IL18RAP: variants seen among roughly 807,000 people sequenced by gnomAD.
IL18RAP encodes the protein interleukin 18 receptor accessory protein, also known as interleukin-18 receptor accessory protein.
IL18RAP carries 37 observed loss-of-function variants against 58.1 expected under a neutral mutation model. The ratio of observed to expected loss-of-function variants is 0.64; its 90% CI spans 0.49 to 0.84. IL18RAP has a LOEUF of 0.84. Among genes scored for constraint, IL18RAP ranks in the 40% least tolerant of loss-of-function variants. The probability of loss-of-function intolerance (pLI) is 0.00; values close to 1 mark genes in which losing one functional copy is unlikely to be tolerated. For synonymous variants in IL18RAP, 268 were observed against 257.5 expected (o/e 1.04, Z -0.39); for missense variants, 667 against 704.8 (o/e 0.95, Z 0.61).
At chr2:102,422,981 G>C (rs1203551021), upstream of IL18RAP, among the ~76,000 whole-genome samples, 1 of 152,156 alleles carries the variant, frequency 6.6e-6, no homozygotes, top group African/African-American at 2.4e-5. Flanking sequence ...ATAGAGCCTA[G>C]GGATATTGGG....
chr2:102,430,872 T>C (rs1229855959), intron 3 of IL18RAP, among the ~76,000 whole-genome samples: 6 of 152,104 alleles, frequency 3.9e-5, no homozygotes, highest in Non-Finnish European at 7.4e-5. Flanking sequence ...TTTACATTTG[T>C]TGTAGTTTCT....
At chr2:102,443,372 C>T in intron 6 of IL18RAP, 49 bp downstream of exon 6, 4 of 1,589,320 alleles carry the variant, frequency 2.5e-6, no homozygotes, top group South Asian at 1.1e-5. Context: ...AGAAGAGATA[C>T]TTCTACCTTT....
At chr2:102,442,978 A>G (rs972362242) in intron 5 of IL18RAP, among the ~76,000 whole-genome samples, 1 of 152,202 alleles carries the variant, frequency 6.6e-6, no homozygotes, top group Non-Finnish European at 1.5e-5. Context: ...ACATATAGTC[A>G]TATGGTTGAG....
In IL18RAP at chr2:102,424,389, A is replaced by C; in HGVS notation, c.554A>C (p.Gln185Pro). ...CPSLSCQSDA[Q>P]SPAVTWYKNG... is the part of the protein sequence containing the mutation. Reference sequence around the variant, plus strand: ...AGTCTCAGCTGCCAAAGTGATGCACAAAGTCCAGCGGTAACCTGGTACAAG... The same window carrying C: ...AGTCTCAGCTGCCAAAGTGATGCACCAAGTCCAGCGGTAACCTGGTACAAG... The change falls in exon 3 of 10, where the codon CAA becomes CCA. Residue 185 changes from glutamine (Q) to proline (P), a missense_variant. Transcript: ENST00000687160. The C allele has an allele frequency of 6.2e-7, 1 of 1,614,014 alleles. No homozygotes were observed. The highest frequency in any genetic ancestry group is 1.1e-5 in the South Asian group (1 of 91,076).
chr2:102,419,377 A>C (rs1681433047), upstream of IL18RAP: 1 of 152,234 alleles, frequency 6.6e-6, no homozygotes, highest in African/African-American at 2.4e-5. Flanking sequence ...CTATTACACG[A>C]GACCAAATCT....
At chr2:102,446,970 G>A in intron 7 of IL18RAP, 100 bp from the exon 8 acceptor site, 2 of 1,242,498 alleles carry the variant, frequency 1.6e-6, no homozygotes, top group Non-Finnish European at 2.2e-6. Flanking sequence ...AAATAATAGA[G>A]CTGGAAAAGG....
At chr2:102,429,984 C>T (rs373097090) in intron 3 of IL18RAP, among the ~76,000 whole-genome samples, 17 of 152,054 alleles carry the variant, frequency 1.1e-4, no homozygotes, top group African/African-American at 3.6e-4. Context: ...TGTAGCTGAA[C>T]GTATCCTTCC....
rs561985627 is a variant in IL18RAP, at chr2:102,452,007, A to G, written c.1626A>G (p.Leu542=). The change falls in exon 10 of 10, where the codon TTA becomes TTG. Residue 542 remains leucine (L), a synonymous_variant. Coordinates refer to ENST00000687160, the MANE Select transcript of IL18RAP (RefSeq NM_001393487.1). ...TGCCCACAGTTACTTGGAGAGGCTTAAAATCAGTTCCTCCCAATTCTAGGT... is the reference window on the plus strand; with the variant it reads ...TGCCCACAGTTACTTGGAGAGGCTTGAAATCAGTTCCTCCCAATTCTAGGT... ...RVLPTVTWRG[L]KSVPPNSRFW... 1 of 1,614,166 alleles carries G rather than the reference A, an allele frequency of 6.2e-7. No homozygotes were observed. Among genetic ancestry groups the G allele is most frequent in the East Asian group, 2.2e-5 (1 of 44,878 alleles).
chr2:102,425,657 C>G (rs1450022544), intron 3 of IL18RAP, among the ~76,000 whole-genome samples: 1 of 151,814 alleles, frequency 6.6e-6, no homozygotes, highest in Non-Finnish European at 1.5e-5. Flanking sequence ...ATCCGTCATC[C>G]AGGATGGCAG....
At chr2:102,447,858 G>A (rs1317000136) in intron 8 of IL18RAP, among the ~76,000 whole-genome samples, 2 of 152,040 alleles carry the variant, frequency 1.3e-5, no homozygotes, top group African/African-American at 4.8e-5. Flanking sequence ...AGCCTCCTGA[G>A]TAGCTGGGAT....
Position 102,451,013 on chromosome 2 carries a change from C to T in IL18RAP, c.1376C>T (p.Pro459Leu), listed in dbSNP as rs1683729444. ...TGTTTGCTTGAAAGAGATGTGGCTC[C>T]AGGAGGAGGTAAGTCCAACATGTCA... ...SLCLLERDVAPGGVYAEDIVS... is the reference protein window; with the variant it reads ...SLCLLERDVALGGVYAEDIVS... The change falls in exon 9 of 10, where the codon CCA (proline) becomes CTA (leucine). Residue 459 changes from proline (P) to leucine (L), a missense_variant. Coordinates refer to ENST00000687160, the MANE Select transcript of IL18RAP (RefSeq NM_001393487.1). The T allele has an allele frequency of 6.3e-7, 1 of 1,593,652 alleles. No individual in the cohort carries two copies. Among genetic ancestry groups the T allele is most frequent in the South Asian group, 1.2e-5 (1 of 85,634 alleles).
rs946815699 is a variant in IL18RAP at position 102,425,371 on chromosome 2, A to G, written c.579+957A>G. Among the ~76,000 whole-genome samples, 69 of 152,270 alleles carry G rather than the reference A, an allele frequency of 4.5e-4. 1 individual carries two copies. The highest frequency in any genetic ancestry group is 1.6e-3 in the African/African-American group (68 of 41,550). On this transcript the variant is annotated intron_variant, in intron 3 of 9. Transcript: ENST00000687160. ...TACAGTTACCATGGTAAGAGGAAAC[A>G]TTTCCCTACTTGATTCCTGAGACTC...
At chr2:102,442,468 G>A (rs1342296942) in intron 5 of IL18RAP, among the ~76,000 whole-genome samples, 1 of 152,082 alleles carries the variant, frequency 6.6e-6, no homozygotes, top group Non-Finnish European at 1.5e-5. Context: ...AGGAATGGAA[G>A]GAAGGAGGAA....
At chr2:102,449,332 A>T (rs1683622277) in intron 8 of IL18RAP, among the ~76,000 whole-genome samples, 1 of 152,206 alleles carries the variant, frequency 6.6e-6, no homozygotes. Flanking sequence ...GAGAATACAT[A>T]CTAGAAATCC....
intron 7 of IL18RAP, among the ~76,000 whole-genome samples, chr2:102,446,255 T>C (rs1431002096): frequency 2.6e-5 from 4 of 152,212 alleles, no homozygotes; most frequent in African/African-American, 9.6e-5. Context: ...CTGGGGTCTC[T>C]AGTGTTTATT....
chr2:102,423,059 G>C, upstream of IL18RAP: 1 of 579,306 alleles, frequency 1.7e-6, no homozygotes, highest in South Asian at 2.2e-5. Context: ...AAATACTCAC[G>C]TAAGTTATAG....
upstream of IL18RAP, among the ~76,000 whole-genome samples, chr2:102,421,224 T>C (rs1330473083): frequency 2.0e-5 from 3 of 152,214 alleles, no homozygotes. Context: ...TAATATGTGC[T>C]AAGACAAAAG....
upstream of IL18RAP, chr2:102,418,740 T>C (rs972173870): frequency 6.6e-6 from 1 of 152,374 alleles, no homozygotes; most frequent in Non-Finnish European, 1.5e-5. Context: ...CCTCCAGTTA[T>C]AATCCTTTAT....
Position 102,449,886 on chromosome 2 carries a change from C to T in IL18RAP, c.1211-962C>T, listed in dbSNP as rs148165648. 7.8e-3 allele frequency among the ~76,000 whole-genome samples: 1,195 copies of T among 152,296 alleles called. 8 individuals carry two copies. The highest frequency in any genetic ancestry group is 0.012 in the Non-Finnish European group (802 of 68,038). On this transcript the variant is annotated intron_variant, in intron 8 of 9. Transcript: ENST00000687160. ...TTCCTACATGAGCAATGAGGTGCTTCATAGGTTAGTTTCCCAACCTCAGCT... is the reference window on the plus strand; with the variant it reads ...TTCCTACATGAGCAATGAGGTGCTTTATAGGTTAGTTTCCCAACCTCAGCT...
Sources: gnomAD v4.1 joint callset for allele counts (sites outside exome capture counted in the v4.1 genomes callset) on GRCh38, gnomAD v4.1.1 for gene constraint, MANE v1.5 for transcripts, NCBI Gene and HGNC (gene_info 2026-07-23, HGNC 2026-07-21) for gene names.